BSDC1: variants seen among roughly 807,000 people sequenced by gnomAD.
The protein encoded by BSDC1 is BSD domain-containing protein 1.
BSDC1 carries 29 observed loss-of-function variants against 56.0 expected under a neutral mutation model. That is an observed-to-expected ratio of 0.52 (90% confidence interval 0.39 to 0.71). The LOEUF is 0.71. Among genes scored for constraint, BSDC1 ranks in the 30% least tolerant of loss-of-function variants. The pLI is 0.00. For synonymous variants in BSDC1, 210 were observed against 215.3 expected, an observed-to-expected ratio of 0.98 and a Z score of 0.21; for missense variants, 477 against 548.5, an observed-to-expected ratio of 0.87 and a Z score of 1.30.
At chr1:32,368,835 A>G (rs1217420378) in intron 9 of BSDC1, among the ~76,000 whole-genome samples, 1 of 152,050 alleles carries the variant, frequency 6.6e-6, no homozygotes, top group East Asian at 1.9e-4. Flanking sequence ...AGTAGCTGGG[A>G]CTACAGGCGC....
chr1:32,384,171 T>C, intron 3 of BSDC1, 174 bp from the exon 4 acceptor site: 3 of 795,502 alleles, frequency 3.8e-6, no homozygotes, highest in Non-Finnish European at 4.0e-6. Flanking sequence ...GGGTCCTCCA[T>C]CCCCCAAGTG....
intron 2 of BSDC1, among the ~76,000 whole-genome samples, chr1:32,389,393 A>C (rs993514648): frequency 6.6e-6 from 1 of 152,194 alleles, no homozygotes; most frequent in African/African-American, 2.4e-5. Context: ...TTGCTTGTTA[A>C]ATTTACATGG....
intron 2 of BSDC1, 152 bp from the exon 3 acceptor site, chr1:32,387,047 C>T (rs1570164384): frequency 1.6e-6 from 1 of 640,396 alleles, no homozygotes; most frequent in East Asian, 2.7e-5. Flanking sequence ...GTCCCAATTC[C>T]ATGATCTGGG....
In BSDC1 at chr1:32,378,069, G is replaced by C. The variant is rs1369366597; in HGVS notation, c.598-21C>G. ...TGCTCCTGAATGTGGGGGAGCAGAA[G>C]GCCACAGGCAGTCAGGGCACCCTCT... On this transcript the variant is annotated intron_variant, in intron 7 of 10. Coordinates refer to ENST00000455895, the MANE Select transcript of BSDC1 (RefSeq NM_018045.8). The surrounding 1 kb of genome is among the most constrained non-coding windows in gnomAD (Gnocchi z 5.2). 1 of 1,602,430 alleles carries C rather than the reference G, an allele frequency of 6.2e-7. No homozygotes were observed. Among genetic ancestry groups the C allele is most frequent in the Non-Finnish European group, 8.5e-7 (1 of 1,173,332 alleles).
At chr1:32,376,813 C>T (rs1285740922) in intron 8 of BSDC1, 72 bp from the exon 9 acceptor site, 5 of 1,309,738 alleles carry the variant, frequency 3.8e-6, no homozygotes, top group Non-Finnish European at 4.9e-6. Context: ...TTGGAGCTCT[C>T]AAGTTCCTGC....
intron 5 of BSDC1, among the ~76,000 whole-genome samples, chr1:32,379,678 A>C (rs571941508): frequency 6.6e-6 from 1 of 152,240 alleles, no homozygotes; most frequent in Admixed American, 6.5e-5. Context: ...GCAACCTTGA[A>C]CTTCTGGGCC....
intron 2 of BSDC1, among the ~76,000 whole-genome samples, chr1:32,393,049 G>C (rs769758130): frequency 3.9e-5 from 6 of 152,222 alleles, no homozygotes; most frequent in African/African-American, 1.4e-4. Flanking sequence ...AGGTGACAGA[G>C]TGAGACTCTG....
At position 32,378,019 on chromosome 1, in the gene BSDC1, C is replaced by G; in HGVS notation, c.627G>C (p.Gln209His). The part of the protein sequence containing the change: ...QEQARRDALK[Q>H]RAEQSISEEP... ...CTTCAGAGATGCTCTGTTCCGCCCG[C>G]TGCTTCAGGGCGTCCCTCCGGGCCT... Residue 209 changes from glutamine to histidine, a missense_variant, in exon 8 of 11, where the codon CAG becomes CAC. Coordinates refer to ENST00000455895, the MANE Select transcript of BSDC1 (RefSeq NM_018045.8). This position sits in a 1 kb window ranked among gnomAD's most constrained non-coding sequence, Gnocchi z 5.2. 1 of 1,613,364 alleles carries G rather than the reference C, an allele frequency of 6.2e-7. No homozygotes were observed. The highest frequency in any genetic ancestry group is 8.5e-7 in the Non-Finnish European group (1 of 1,179,626).
In BSDC1 at chr1:32,394,385, A is replaced by G. The variant is rs1433324190; in HGVS notation, c.11+19T>C. The G allele has an allele frequency of 1.5e-5, 24 of 1,613,792 alleles. No individual in the cohort carries two copies. Among genetic ancestry groups the G allele is most frequent in the Non-Finnish European group, 2.0e-5 (24 of 1,179,976 alleles). ...GAGAATTCAGGCCCCAACGCCTAGG[A>G]GCAAAACGACAAGCTCACCCTTCCG... On this transcript the variant is annotated intron_variant, in intron 1 of 10. Coordinates refer to ENST00000455895, the MANE Select transcript of BSDC1 (RefSeq NM_018045.8).
chr1:32,373,711 G>A (rs1343397031), intron 9 of BSDC1, among the ~76,000 whole-genome samples: 2 of 152,032 alleles, frequency 1.3e-5, no homozygotes, highest in Non-Finnish European at 2.9e-5. Context: ...CTGTAGAGAT[G>A]GGGTTTCATC....
At chr1:32,390,032 C>T (rs1642812731) in intron 2 of BSDC1, among the ~76,000 whole-genome samples, 4 of 150,518 alleles carry the variant, frequency 2.7e-5, no homozygotes, top group Non-Finnish European at 4.4e-5. Context: ...GGTTTAGTGA[C>T]GTCTACAAGC....
intron 10 of BSDC1, 179 bp downstream of exon 10, chr1:32,368,268 G>A (rs1413395280): frequency 5.2e-6 from 8 of 1,533,582 alleles, no homozygotes; most frequent in Admixed American, 2.0e-5. Context: ...GAGGAAAAGT[G>A]CAGCCTGCTG....
rs1642015177 is a variant in BSDC1 at position 32,370,032 on chromosome 1, C to T, written c.1157-1482G>A. Among the ~76,000 whole-genome samples the T allele has an allele frequency of 3.3e-5, 5 of 152,336 alleles. No individual in the cohort carries two copies. The South Asian group carries it at 1.0e-3, about 32-fold the overall frequency. ...TCGCTCTGTTGCCCAGGCTGGAGTG[C>T]AGTGGCGCGATCCTAGCTCACTGCA... is the stretch of plus-strand genomic sequence containing the variant. On this transcript the variant is annotated intron_variant, in intron 9 of 10. Coordinates refer to ENST00000455895, the MANE Select transcript of BSDC1 (RefSeq NM_018045.8).
chr1:32,372,184 T>C (rs1642116887), intron 9 of BSDC1, among the ~76,000 whole-genome samples: 1 of 152,250 alleles, frequency 6.6e-6, no homozygotes, highest in Admixed American at 6.5e-5. Context: ...GTCTCAGAGT[T>C]ATGTCATTCT....
At chr1:32,373,008 C>G (rs1430060186) in intron 9 of BSDC1, among the ~76,000 whole-genome samples, 1 of 152,210 alleles carries the variant, frequency 6.6e-6, no homozygotes, top group Non-Finnish European at 1.5e-5. Flanking sequence ...TCTGCGATGA[C>G]AGGGATCACC....
intron 9 of BSDC1, among the ~76,000 whole-genome samples, chr1:32,370,803 CAAAAAAAAAAAAAAA>C (rs58351365): frequency 4.0e-5 from 2 of 50,124 alleles, no homozygotes; most frequent in Non-Finnish European, 7.4e-5. Flanking sequence ...GACTCCGTCT[CAAAAAAAAAAAAAAA>C]AAAAAAAAAA....
At chr1:32,371,523 G>C (rs1642086171) in intron 9 of BSDC1, among the ~76,000 whole-genome samples, 1 of 151,876 alleles carries the variant, frequency 6.6e-6, no homozygotes, top group Non-Finnish European at 1.5e-5. Context: ...TGTTAGCCAG[G>C]ATGGTCTCGA....
chr1:32,371,908 A>C (rs912879225), intron 9 of BSDC1, among the ~76,000 whole-genome samples: 1 of 152,140 alleles, frequency 6.6e-6, no homozygotes. Context: ...TATGGATAAA[A>C]GCAACCTCTG....
At chr1:32,375,160 CA>C (rs1006224162) in intron 9 of BSDC1, among the ~76,000 whole-genome samples, 4 of 151,406 alleles carry the variant, frequency 2.6e-5, no homozygotes, top group African/African-American at 9.7e-5. Context: ...AAAAAAAAAA[CA>C]ATAAAAACCA....
Sources: gnomAD v4.1 joint callset for allele counts (sites outside exome capture counted in the v4.1 genomes callset) on GRCh38, gnomAD v4.1.1 for gene constraint, Gnocchi (gnomAD v3.1) non-coding constraint, MANE v1.5 for transcripts, NCBI Gene and HGNC (gene_info 2026-07-23, HGNC 2026-07-21) for gene names.